The following ASAP1 variants were observed in gnomAD, a reference collection of about 807,000 sequenced individuals.
ASAP1 encodes the protein arf-GAP with SH3 domain, ANK repeat and PH domain-containing protein 1.
Under a neutral mutation model 145.2 loss-of-function variants are expected in ASAP1, and 43 were observed. That is an observed-to-expected ratio of 0.30 (90% CI 0.23 to 0.38). ASAP1 has a LOEUF of 0.38. ASAP1 is among the 10% of genes least tolerant of loss of function. The pLI, the probability that ASAP1 is intolerant of heterozygous loss-of-function variation, is 1.00. For synonymous variants in ASAP1, 546 were observed against 515.5 expected, an observed-to-expected ratio of 1.06 and a Z score of -0.80; for missense variants, 1,018 against 1,355.3, an observed-to-expected ratio of 0.75 and a Z score of 3.91.
At chr8:130,442,962 T>C (rs2138857851) in intron 1 of ASAP1, among the ~76,000 whole-genome samples, 1 of 152,152 alleles carries the variant, frequency 6.6e-6, no homozygotes, top group Non-Finnish European at 1.5e-5. Flanking sequence ...TTCGTTTCTC[T>C]TCTTTTGCTT....
chr8:130,401,741 T>C (rs560035106), intron 2 of ASAP1, 144 bp downstream of exon 2: 103 of 695,288 alleles, frequency 1.5e-4, no homozygotes, highest in Non-Finnish European at 2.2e-4. Flanking sequence ...TAGAGATCTG[T>C]TCTCCAATAA....
chr8:130,439,158 G>A (rs1287079296), intron 1 of ASAP1, among the ~76,000 whole-genome samples: 1 of 152,158 alleles, frequency 6.6e-6, no homozygotes, highest in Non-Finnish European at 1.5e-5. Flanking sequence ...GAAGGATTAA[G>A]ACCAACACTG....
intron 25 of ASAP1, chr8:130,083,213 C>T (rs935018241): frequency 9.2e-5 from 14 of 152,202 alleles, no homozygotes; most frequent in African/African-American, 3.1e-4. Context: ...TCTCACTTAA[C>T]CTTACTCTTT....
At position 130,054,570 on chromosome 8, in the gene ASAP1, C is replaced by T. The variant is rs1592699784; in HGVS notation, c.*161G>A. 28 of 622,336 alleles carry T rather than the reference C, an allele frequency of 4.5e-5. No individual in the cohort carries two copies. The East Asian group carries it at 8.6e-4, about 19-fold the overall frequency. The allele number at this position is 622,336 out of a possible 1,614,324, so 38.6% of individuals were successfully genotyped here. On this transcript the variant is annotated 3_prime_UTR_variant, in exon 30 of 30. Transcript: ENST00000518721. The stretch of plus-strand genomic sequence containing the variant: ...CCCTCATACTGGTGAAGGCAGAAAA[C>T]CACAGGATATTTACAACACACATTA...
At chr8:130,438,850 C>G (rs1259644451) in intron 1 of ASAP1, among the ~76,000 whole-genome samples, 1 of 152,182 alleles carries the variant, frequency 6.6e-6, no homozygotes, top group Non-Finnish European at 1.5e-5. Context: ...TAAGATGTCC[C>G]TGACCCTCTC....
At chr8:130,320,577 A>G (rs1331674870) in intron 3 of ASAP1, among the ~76,000 whole-genome samples, 1 of 152,126 alleles carries the variant, frequency 6.6e-6, no homozygotes, top group Non-Finnish European at 1.5e-5. Flanking sequence ...ATACATACAT[A>G]TGAATGAGGC....
intron 1 of ASAP1, among the ~76,000 whole-genome samples, chr8:130,407,421 T>C (rs1460464814): frequency 6.6e-6 from 1 of 152,234 alleles, no homozygotes; most frequent in Non-Finnish European, 1.5e-5. Context: ...ATGGGCACTG[T>C]CTGCAGTGCC....
In ASAP1 at chr8:130,112,272, G is replaced by A. The variant is rs143917525; in HGVS notation, c.2223C>T (p.His741=). ...TGTCCTGGGGGGAGATGCTGGAGGA[G>A]TGGCAGAAGCTCTGAGGTCTGGGTG... The part of the protein sequence containing the change: ...ERSPRPQSFC[H]SSSISPQDKL... Residue 741 remains histidine (H), a synonymous_variant, in exon 24 of 30, where the codon CAC becomes CAT. Coordinates refer to ENST00000518721, the MANE Select transcript of ASAP1 (RefSeq NM_018482.4). The A allele has an allele frequency of 5.6e-6, 9 of 1,614,240 alleles. No individual in the cohort carries two copies. Among genetic ancestry groups the A allele is most frequent in the African/African-American group, 1.3e-5 (1 of 75,056 alleles).
chr8:130,389,769 C>T lies in ASAP1; in HGVS notation c.59+12116G>A, dbSNP rs917173325. On this transcript the variant is annotated intron_variant, in intron 2 of 29. Coordinates refer to ENST00000518721, the MANE Select transcript of ASAP1 (RefSeq NM_018482.4). Reference sequence around the variant, plus strand: ...AGGCTGGAGTGCAGTGGCACAGTCACGGCTCACTGCGGCCTCAACTTTCCA... The same window carrying T: ...AGGCTGGAGTGCAGTGGCACAGTCATGGCTCACTGCGGCCTCAACTTTCCA... Among the ~76,000 whole-genome samples the T allele has an allele frequency of 5.9e-5, 9 of 152,112 alleles. 1 individual carries two copies. Among genetic ancestry groups the T allele is most frequent in the Admixed American group, 5.2e-4 (8 of 15,272 alleles).
intron 3 of ASAP1, among the ~76,000 whole-genome samples, chr8:130,301,226 A>T (rs1175975613): frequency 6.6e-6 from 1 of 152,192 alleles, no homozygotes; most frequent in African/African-American, 2.4e-5. Context: ...CTATTAAATG[A>T]CATGTTGTAC....
chr8:130,189,223 A>G (rs1048203454), intron 5 of ASAP1, among the ~76,000 whole-genome samples: 3 of 152,158 alleles, frequency 2.0e-5, no homozygotes, highest in Non-Finnish European at 2.9e-5. Context: ...CATTAACTAC[A>G]GTCACTCTGC....
chr8:130,395,918 C>T (rs892077385), intron 2 of ASAP1, among the ~76,000 whole-genome samples: 2 of 152,096 alleles, frequency 1.3e-5, no homozygotes, highest in African/African-American at 4.8e-5. Flanking sequence ...CGCCCGCCTC[C>T]GTCTCCCAAA....
intron 7 of ASAP1, 108 bp from the exon 8 acceptor site, chr8:130,180,988 T>C: frequency 3.1e-6 from 3 of 966,994 alleles, no homozygotes; most frequent in Non-Finnish European, 3.0e-6. Context: ...GATGTGTCTA[T>C]GTAGGTTCAT....
intron 25 of ASAP1, among the ~76,000 whole-genome samples, chr8:130,089,421 C>A (rs559243762): frequency 6.6e-6 from 1 of 152,214 alleles, no homozygotes; most frequent in South Asian, 2.1e-4. Flanking sequence ...CCTCCCAGTC[C>A]TGATCTCTCA....
chr8:130,287,017 C>G (rs1821656228), intron 3 of ASAP1, among the ~76,000 whole-genome samples: 1 of 151,862 alleles, frequency 6.6e-6, no homozygotes, highest in Non-Finnish European at 1.5e-5. Context: ...TCTTGGTGGC[C>G]AAGGAGGGAG....
intron 13 of ASAP1, among the ~76,000 whole-genome samples, chr8:130,150,024 T>C (rs1218511984): frequency 6.6e-6 from 1 of 152,208 alleles, no homozygotes; most frequent in Non-Finnish European, 1.5e-5. Context: ...TTCAGTATTG[T>C]CAGCAACATC....
chr8:130,313,298 T>C lies in ASAP1; in HGVS notation c.186+44719A>G, dbSNP rs181886896. ...CTGCCTTCAACAAAATAAAATAACA[T>C]AACCGTTTAAAAAAAAAAAAAACTT... is the stretch of plus-strand genomic sequence containing the variant. On this transcript the variant is annotated intron_variant, in intron 3 of 29. Transcript: ENST00000518721. 9.8e-4 allele frequency among the ~76,000 whole-genome samples: 148 copies of C among 150,766 alleles called. 2 individuals carry two copies. Among genetic ancestry groups the C allele is most frequent in the African/African-American group, 3.4e-3 (139 of 41,106 alleles).
intron 3 of ASAP1, among the ~76,000 whole-genome samples, chr8:130,262,816 C>T (rs982709979): frequency 2.6e-5 from 4 of 152,174 alleles, no homozygotes; most frequent in African/African-American, 7.2e-5. Context: ...ACACAAAAGC[C>T]TGTTCCATGA....
intron 4 of ASAP1, among the ~76,000 whole-genome samples, chr8:130,230,709 ATCAATT>A (rs570195335): frequency 8.5e-5 from 13 of 152,302 alleles, no homozygotes; most frequent in African/African-American, 2.9e-4. Flanking sequence ...ATTTTTACTA[ATCAATT>A]TACTGTAATT....
Sources: allele counts gnomAD v4.1 joint callset (sites outside exome capture counted in the v4.1 genomes callset), GRCh38; gene constraint gnomAD v4.1.1; transcripts MANE v1.5; gene names NCBI Gene and HGNC (gene_info 2026-07-23, HGNC 2026-07-21).